CTPS1: variants seen among roughly 807,000 people sequenced by gnomAD.
CTPS1 encodes the protein CTP synthetase 1.
In CTPS1, 25 loss-of-function variants were observed where a neutral mutation model predicts 80.5. The ratio of observed to expected loss-of-function variants is 0.31; its 90% CI spans 0.23 to 0.43. The LOEUF (loss-of-function observed/expected upper bound fraction) is 0.43, where lower values mean the gene tolerates loss of function less well. Among genes scored for constraint, CTPS1 ranks in the 20% least tolerant of loss-of-function variants. The pLI is 1.00. For synonymous variants in CTPS1, 267 were observed against 252.5 expected, an observed-to-expected ratio of 1.06 and a Z score of -0.54; for missense variants, 442 against 725.7, an observed-to-expected ratio of 0.61 and a Z score of 4.49.
At chr1:41,009,755 C>G (rs941894294) in intron 17 of CTPS1, among the ~76,000 whole-genome samples, 166 bp downstream of exon 17, 3 of 152,230 alleles carry the variant, frequency 2.0e-5, no homozygotes, top group Admixed American at 6.5e-5. Flanking sequence ...CGGTGTTTCC[C>G]TGGCATATTG....
At chr1:41,009,416 A>T in intron 16 of CTPS1, 29 bp from the exon 17 acceptor site, 1 of 1,534,260 alleles carries the variant, frequency 6.5e-7, no homozygotes, top group Admixed American at 2.2e-5. Context: ...CTTCACAATG[A>T]AGCTGTTTCT....
chr1:40,994,456 TA>T lies in CTPS1; in HGVS notation c.721-1460del, dbSNP rs543197534. On this transcript the variant is annotated intron_variant, in intron 7 of 18. Transcript: ENST00000650070. Reference sequence around the variant, plus strand: ...TATAGCTATTCATAATTTTTATTACTACCGTGTATTTTTAAAAATTATATTT... The same window carrying T: ...TATAGCTATTCATAATTTTTATTACTCCGTGTATTTTTAAAAATTATATTT... Among the ~76,000 whole-genome samples, 11 of 152,360 alleles carry T rather than the reference TA, an allele frequency of 7.2e-5. No individual in the cohort carries two copies. In the East Asian group the frequency reaches 2.1e-3, roughly 29 times the overall value.
At chr1:40,995,828 A>G (rs1642738089) in intron 7 of CTPS1, 89 bp from the exon 8 acceptor site, 1 of 1,319,402 alleles carries the variant, frequency 7.6e-7, no homozygotes, top group East Asian at 2.3e-5. Flanking sequence ...TCAAATACAT[A>G]ATATTTTTAC....
In CTPS1 at chr1:40,991,388, C is replaced by T. The variant is rs181244985; in HGVS notation, c.639+140C>T. 1,518 of 657,010 alleles carry T rather than the reference C, an allele frequency of 2.3e-3. 11 individuals are homozygous for T. Among genetic ancestry groups the T allele is most frequent in the South Asian group, 0.01 (454 of 44,348 alleles). The allele number at this position is 657,010 out of a possible 1,614,324, so 40.7% of individuals were successfully genotyped here. ...AGAAAATAGGATTAGTTCTTTGAACCGGGCTGTAGTTTGCAAGATGTTCAT... is the reference window on the plus strand; with the variant it reads ...AGAAAATAGGATTAGTTCTTTGAACTGGGCTGTAGTTTGCAAGATGTTCAT... On this transcript the variant is annotated intron_variant, in intron 6 of 18. Coordinates refer to ENST00000650070, the MANE Select transcript of CTPS1 (RefSeq NM_001905.4).
rs1642401541 is a variant in CTPS1, at chr1:40,984,446, A to G, written c.167-375A>G. ...AGGTTTTGAATCAAATATTGTTATC[A>G]TACTTTAAACCATATTATGCTCAAT... On this transcript the variant is annotated intron_variant, in intron 2 of 18. Transcript: ENST00000650070. Among the ~76,000 whole-genome samples, 3 of 152,364 alleles carry G rather than the reference A, an allele frequency of 2.0e-5. No individual in the cohort carries two copies. The South Asian group carries it at 6.2e-4, about 32-fold the overall frequency.
rs921675528 is a variant in CTPS1, at chr1:41,012,123, C to T, written c.*475C>T. On this transcript the variant is annotated 3_prime_UTR_variant, in exon 19 of 19. Coordinates refer to ENST00000650070, the MANE Select transcript of CTPS1 (RefSeq NM_001905.4). The stretch of plus-strand genomic sequence containing the variant: ...TATTGCTTGCCACTAAGCCATGAAA[C>T]CAGAGACAAAATCTCTATACTGCCC... The T allele has an allele frequency of 4.6e-5, 7 of 152,166 alleles. No individual in the cohort carries two copies. The highest frequency in any genetic ancestry group is 1.0e-4 in the Non-Finnish European group (7 of 68,036). The allele number at this position is 152,166 out of a possible 1,614,324, so 9.4% of individuals were successfully genotyped here. A position where few individuals can be genotyped will look rare whatever the true frequency, so the allele number is the denominator to read the frequency against.
rs1477958476 is a variant in CTPS1 at position 41,008,725 on chromosome 1, C to T, written c.1449+11C>T. On this transcript the variant is annotated intron_variant, in intron 15 of 18. Transcript: ENST00000650070. ...CGCCACCGATTTGAGGTGAGGATTC[C>T]AGCTTGCTGGTACTCTGGAAAGATA... The T allele has an allele frequency of 1.2e-6, 2 of 1,614,156 alleles. No individual in the cohort carries two copies. Among genetic ancestry groups the T allele is most frequent in the Non-Finnish European group, 1.7e-6 (2 of 1,180,010 alleles).
At chr1:40,994,661 C>G (rs1010448828) in intron 7 of CTPS1, among the ~76,000 whole-genome samples, 1 of 152,038 alleles carries the variant, frequency 6.6e-6, no homozygotes, top group Non-Finnish European at 1.5e-5. Flanking sequence ...TTCTTGTTTT[C>G]TGGTTCATTT....
In CTPS1 at chr1:41,006,092, G is replaced by A. The variant is rs373379651; in HGVS notation, c.1294G>A (p.Val432Met). 5.0e-6 allele frequency: 8 copies of A among 1,613,162 alleles called. No homozygotes were observed. The highest frequency in any genetic ancestry group is 5.1e-6 in the Non-Finnish European group (6 of 1,179,130). The change falls in exon 13 of 19, where the codon GTG becomes ATG. Residue 432 changes from valine (V) to methionine (M), a missense_variant and splice_region_variant. Val to Met is a conservative substitution (Grantham distance 21, BLOSUM62 1). This residue lies in a region of CTPS1 where 321 missense variants were observed against 467.2 expected (regional missense o/e 0.69). Transcript: ENST00000650070. ...GTTTGACCCTACGACCAGTCATCCC[G>A]TGGTGAGTCAAGTGTTTGAACCTCC... ...TEFDPTTSHP[V>M]VVDMPEHNPG...
intron 16 of CTPS1, 53 bp downstream of exon 16, chr1:41,008,943 C>A: frequency 7.3e-7 from 1 of 1,365,780 alleles, no homozygotes; most frequent in Non-Finnish European, 1.0e-6. Flanking sequence ...GTTTTCTTGG[C>A]ATATGGGAAA....
intron 5 of CTPS1, among the ~76,000 whole-genome samples, 154 bp downstream of exon 5, chr1:40,988,864 A>G (rs1166808888): frequency 6.6e-6 from 1 of 152,220 alleles, no homozygotes; most frequent in Non-Finnish European, 1.5e-5. Context: ...TGTTACAATC[A>G]TACTTTTTTG....
At position 41,007,694 on chromosome 1, in the gene CTPS1, C is replaced by A; in HGVS notation, c.1393+149C>A. The A allele has an allele frequency of 3.1e-6, 2 of 646,982 alleles. No individual in the cohort carries two copies. Among genetic ancestry groups the A allele is most frequent in the Non-Finnish European group, 5.4e-6 (2 of 368,904 alleles). The allele number at this position is 646,982 out of a possible 1,614,324, so 40.1% of individuals were successfully genotyped here. ...TCATTCTTTCCTCTCTTATTCATAC[C>A]CTTTTAGGATGCACTGTGATAGCCA... On this transcript the variant is annotated intron_variant, in intron 14 of 18. Transcript: ENST00000650070. This position sits in a 1 kb window ranked among gnomAD's most constrained non-coding sequence, Gnocchi z 4.4.
chr1:40,998,346 C>T (rs949339990), intron 9 of CTPS1, among the ~76,000 whole-genome samples: 5 of 146,576 alleles, frequency 3.4e-5, no homozygotes, highest in African/African-American at 7.7e-5. Flanking sequence ...TGCAGTGAGC[C>T]GAGATTGCAC....
chr1:40,998,431 C>T (rs760704551), intron 9 of CTPS1, among the ~76,000 whole-genome samples: 1 of 150,322 alleles, frequency 6.7e-6, no homozygotes, highest in African/African-American at 2.4e-5. Context: ...AACATGGATG[C>T]CTGAGCCCGG....
chr1:40,987,086 G>A (rs1456575002), intron 3 of CTPS1, among the ~76,000 whole-genome samples: 1 of 152,176 alleles, frequency 6.6e-6, no homozygotes, highest in Admixed American at 6.5e-5. Context: ...GTGGCCAAAA[G>A]GGTAGACTCT....
At chr1:40,998,541 G>A (rs1642820454) in intron 9 of CTPS1, among the ~76,000 whole-genome samples, 2 of 152,086 alleles carry the variant, frequency 1.3e-5, no homozygotes, top group African/African-American at 4.8e-5. Context: ...TGTTAAAAAG[G>A]GATGGTGATG....
intron 9 of CTPS1, among the ~76,000 whole-genome samples, chr1:40,999,452 AAAG>A (rs1642846565): frequency 6.6e-6 from 1 of 152,220 alleles, no homozygotes; most frequent in African/African-American, 2.4e-5. Context: ...ACTTCCAAAA[AAAG>A]ATGTAGGTGA....
At chr1:40,996,193 C>G (rs1642748022) in intron 8 of CTPS1, 125 bp downstream of exon 8, 1 of 1,014,722 alleles carries the variant, frequency 9.9e-7, no homozygotes, top group African/African-American at 1.6e-5. Context: ...TTAGAAGAGC[C>G]TTTGTAGTAA....
intron 13 of CTPS1, 90 bp downstream of exon 13, chr1:41,006,184 G>C: frequency 9.1e-7 from 1 of 1,093,910 alleles, no homozygotes; most frequent in Non-Finnish European, 1.4e-6. Flanking sequence ...CAAGAAGTGA[G>C]ACTGCTTGAG....
Sources: allele counts gnomAD v4.1 joint callset (sites outside exome capture counted in the v4.1 genomes callset), GRCh38; gene constraint gnomAD v4.1.1; regional missense constraint gnomAD v4.1.1; non-coding constraint Gnocchi (gnomAD v3.1); transcripts MANE v1.5; gene names NCBI Gene and HGNC (gene_info 2026-07-23, HGNC 2026-07-21).